The following AGAP2 variants were observed in gnomAD, a reference collection of about 807,000 sequenced individuals.
AGAP2 encodes the protein arf-GAP with GTPase, ANK repeat and PH domain-containing protein 2.
In AGAP2, 32 loss-of-function variants were observed where a neutral mutation model predicts 110.9. The observed-to-expected ratio is 0.29, with a 90% CI of 0.22 to 0.39. The LOEUF (loss-of-function observed/expected upper bound fraction) is 0.39. Among genes scored for constraint, AGAP2 ranks in the 10% least tolerant of loss-of-function variants. The pLI is 1.00. For missense variants in AGAP2, 1,285 were observed against 1,638.5 expected (o/e 0.78, Z 3.72); for synonymous variants, 702 against 713.0 (o/e 0.98, Z 0.25).
rs1485543196 is a variant in AGAP2 at position 57,737,050 on chromosome 12, C to T, written c.1168+29G>A. The stretch of plus-strand genomic sequence containing the variant: ...CTGAGCATTCCAGGTACCCTTCCCT[C>T]CCTGTTCTCAAGCCCTGACTCAACT... On this transcript the variant is annotated intron_variant, in intron 1 of 18. Transcript: ENST00000547588. This position sits in a 1 kb window ranked among gnomAD's most constrained non-coding sequence, Gnocchi z 5.9. 1.4e-6 allele frequency: 2 copies of T among 1,477,108 alleles called. No homozygotes were observed. The highest frequency in any genetic ancestry group is 1.8e-6 in the Non-Finnish European group (2 of 1,113,448). The allele number at this position is 1,477,108 out of a possible 1,614,324, so 91.5% of individuals were successfully genotyped here.
rs776392882 is a variant in AGAP2, at chr12:57,726,989, C to A, written c.3321G>T (p.Thr1107=). 3.1e-6 allele frequency: 5 copies of A among 1,593,566 alleles called. No individual in the cohort carries two copies. The change falls in exon 18 of 19, where the codon ACG becomes ACT. Residue 1107 remains threonine (T), a synonymous_variant. Transcript: ENST00000547588. This position sits in a 1 kb window ranked among gnomAD's most constrained non-coding sequence, Gnocchi z 5.7. ...LAAELAHVVI[T]QLLLWYGADV... is the part of the protein sequence containing the mutation. The stretch of plus-strand genomic sequence containing the variant: ...GCTCACGTACCCACAGCAGCAGTTG[C>A]GTGATGACGACGTGGGCGAGCTCGG...
At chr12:57,735,470 A>T (rs766533782) in intron 1 of AGAP2, 43 bp from the exon 2 acceptor site, 1 of 1,590,180 alleles carries the variant, frequency 6.3e-7, no homozygotes, top group Non-Finnish European at 8.6e-7. Flanking sequence ...CTCCTGGCTC[A>T]GAAGGACCCC....
At chr12:57,731,328 C>T in intron 10 of AGAP2, 38 bp downstream of exon 10, 1 of 1,548,752 alleles carries the variant, frequency 6.5e-7, no homozygotes, top group Non-Finnish European at 8.9e-7. Context: ...TGAGGGAAAT[C>T]CAAAGCTGGC....
chr12:57,734,760 A>G (rs1954949204), intron 2 of AGAP2, 81 bp from the exon 3 acceptor site: 1 of 1,296,460 alleles, frequency 7.7e-7, no homozygotes, highest in Non-Finnish European at 1.1e-6. Flanking sequence ...CAGAAAACCC[A>G]GAGAGATAAG....
chr12:57,727,015 C>T lies in AGAP2; in HGVS notation c.3295G>A (p.Ala1099Thr). 1 of 1,607,134 alleles carries T rather than the reference C, an allele frequency of 6.2e-7. No homozygotes were observed. Among genetic ancestry groups the T allele is most frequent in the Non-Finnish European group, 8.5e-7 (1 of 1,177,296 alleles). ...GTGATGACGACGTGGGCGAGCTCGG[C>T]CGCCAGGTGGAGTGGGGAGCGCAGC... ...PQLRSPLHLA[A>T]ELAHVVITQL... is the part of the protein sequence containing the mutation. The change falls in exon 18 of 19, where the codon GCC becomes ACC. Residue 1099 changes from alanine (A) to threonine (T), a missense_variant. Ala to Thr is a moderately conservative substitution (Grantham distance 58, BLOSUM62 0). This residue lies in a region of AGAP2 where 201 missense variants were observed against 276.1 expected (regional missense o/e 0.73). Coordinates refer to ENST00000547588, the MANE Select transcript of AGAP2 (RefSeq NM_001122772.3).
upstream of AGAP2, chr12:57,741,960 C>T (rs767507033): frequency 7.4e-6 from 12 of 1,614,120 alleles, no homozygotes; most frequent in African/African-American, 1.3e-5. Context: ...AGTTCGGGGT[C>T]GTCCACCCTC....
Position 57,732,229 on chromosome 12 carries a change from T to A in AGAP2, c.1794+174A>T, listed in dbSNP as rs542598986. On this transcript the variant is annotated intron_variant, in intron 7 of 18. Transcript: ENST00000547588. Reference sequence around the variant, plus strand: ...AGTTGCTTAAGGACACTGCAAATGATGTCTCAAATCTGGTTGATTTCCAGT... The same window carrying A: ...AGTTGCTTAAGGACACTGCAAATGAAGTCTCAAATCTGGTTGATTTCCAGT... Among the ~76,000 whole-genome samples, 5 of 152,356 alleles carry A rather than the reference T, an allele frequency of 3.3e-5. No homozygotes were observed. In the East Asian group the frequency reaches 5.8e-4, roughly 18 times the overall value.
At chr12:57,734,266 C>T (rs933009858) in intron 4 of AGAP2, 53 bp downstream of exon 4, 3 of 1,613,652 alleles carry the variant, frequency 1.9e-6, no homozygotes, top group Non-Finnish European at 2.5e-6. Flanking sequence ...GAGCCCTCTC[C>T]TTTGGCCAGT....
At position 57,738,139 on chromosome 12, in the gene AGAP2, C is replaced by T; in HGVS notation, c.108G>A (p.Ala36=). ...SVPPPPPSPS[A]AAAGAAGARG... is the part of the protein sequence containing the mutation. ...TGGCACCGGCGGCGCCGGCCGCGGC[C>T]GCAGACGGAGAAGGCGGCGGCGGAG... The change falls in exon 1 of 19, where the codon GCG becomes GCA. Residue 36 remains alanine, a synonymous_variant. Transcript: ENST00000547588. This position sits in a 1 kb window ranked among gnomAD's most constrained non-coding sequence, Gnocchi z 6.7. 6.6e-7 allele frequency: 1 copy of T among 1,522,188 alleles called. No homozygotes were observed. Among genetic ancestry groups the T allele is most frequent in the Non-Finnish European group, 8.8e-7 (1 of 1,140,204 alleles). 94.3% of individuals were successfully genotyped at this position (1,522,188 alleles called of 1,614,324 possible). A position where few individuals can be genotyped will look rare whatever the true frequency, so the allele number is the denominator to read the frequency against.
Position 57,737,268 on chromosome 12 carries a change from C to G in AGAP2, c.979G>C (p.Gly327Arg). The G allele has an allele frequency of 6.2e-7, 1 of 1,613,284 alleles. No homozygotes were observed. Among genetic ancestry groups the G allele is most frequent in the African/African-American group, 1.3e-5 (1 of 75,042 alleles). The change falls in exon 1 of 19, where the codon GGG (glycine) becomes CGG (arginine). Residue 327 changes from glycine to arginine, a missense_variant. By Grantham distance (125) the Gly-to-Arg change is moderately radical. Around this residue, in one of 7 missense-constraint regions of AGAP2, gnomAD observed 844 missense variants for 941.2 expected, o/e 0.90. Coordinates refer to ENST00000547588, the MANE Select transcript of AGAP2 (RefSeq NM_001122772.3). The surrounding 1 kb of genome is among the most constrained non-coding windows in gnomAD (Gnocchi z 5.9). ...CCCCCCTCCCGGCCCCGTTTCAGCC[C>G]CGGAGCTGGAGGCTCCAGAGTGATT... ...PPITLEPPAP[G>R]LKRGREGGRA...
rs567669511 is a variant in AGAP2 at position 57,733,373 on chromosome 12, C to A, written c.1550-394G>T. ...GTGAACTAGGAAAAGGTTGGGTGCCCATGGGTCATGGCTGGACTGCCCACT... is the reference window on the plus strand; with the variant it reads ...GTGAACTAGGAAAAGGTTGGGTGCCAATGGGTCATGGCTGGACTGCCCACT... On this transcript the variant is annotated intron_variant, in intron 5 of 18. Transcript: ENST00000547588. 2.6e-5 allele frequency among the ~76,000 whole-genome samples: 4 copies of A among 152,192 alleles called. 1 individual carries two copies. In the South Asian group the frequency reaches 8.3e-4, roughly 32 times the overall value.
chr12:57,726,998 G>A lies in AGAP2; in HGVS notation c.3312C>T (p.Val1104=), dbSNP rs1215279325. ...CCCACAGCAGCAGTTGCGTGATGAC[G>A]ACGTGGGCGAGCTCGGCCGCCAGGT... ...PLHLAAELAH[V]VITQLLLWYG... Residue 1104 remains valine (V), a synonymous_variant, in exon 18 of 19, where the codon GTC becomes GTT. Coordinates refer to ENST00000547588, the MANE Select transcript of AGAP2 (RefSeq NM_001122772.3). This position sits in a 1 kb window ranked among gnomAD's most constrained non-coding sequence, Gnocchi z 5.7. The A allele has an allele frequency of 6.2e-7, 1 of 1,602,046 alleles. No individual in the cohort carries two copies. The highest frequency in any genetic ancestry group is 1.1e-5 in the South Asian group (1 of 90,382).
Position 57,734,118 on chromosome 12 carries a change from C to T in AGAP2, c.1457G>A (p.Ser486Asn). ...ATGGAGACGGCTCACAGCCTGGAAA[C>T]TGTTCTCATCCTCCAGGCTGAAGAC... The part of the protein sequence containing the change: ...IFVFSLEDEN[S>N]FQAVSRLHGQ... The change falls in exon 5 of 19, where the codon AGT (serine) becomes AAT (asparagine). Residue 486 changes from serine (S) to asparagine (N), a missense_variant. By Grantham distance (46) the Ser-to-Asn change is conservative. Around this residue, in one of 7 missense-constraint regions of AGAP2, gnomAD observed 844 missense variants for 941.2 expected, o/e 0.90. Coordinates refer to ENST00000547588, the MANE Select transcript of AGAP2 (RefSeq NM_001122772.3). 6.2e-7 allele frequency: 1 copy of T among 1,613,708 alleles called. No individual in the cohort carries two copies. The highest frequency in any genetic ancestry group is 8.5e-7 in the Non-Finnish European group (1 of 1,179,790).
In AGAP2 at chr12:57,737,038, G is replaced by A. The variant is rs1414454201; in HGVS notation, c.1168+41C>T. ...CTCCACCCCAAGCTGAGCATTCCAG[G>A]TACCCTTCCCTCCCTGTTCTCAAGC... On this transcript the variant is annotated intron_variant, in intron 1 of 18. Coordinates refer to ENST00000547588, the MANE Select transcript of AGAP2 (RefSeq NM_001122772.3). This position sits in a 1 kb window ranked among gnomAD's most constrained non-coding sequence, Gnocchi z 5.9. The A allele has an allele frequency of 6.8e-7, 1 of 1,463,430 alleles. No homozygotes were observed. The highest frequency in any genetic ancestry group is 9.0e-7 in the Non-Finnish European group (1 of 1,106,416). The allele number at this position is 1,463,430 out of a possible 1,614,324, so 90.7% of individuals were successfully genotyped here. A position where few individuals can be genotyped will look rare whatever the true frequency, so the allele number is the denominator to read the frequency against.
upstream of AGAP2, among the ~76,000 whole-genome samples, chr12:57,739,534 G>C (rs916316340): frequency 1.3e-5 from 2 of 152,162 alleles, no homozygotes; most frequent in Non-Finnish European, 2.9e-5. Flanking sequence ...AGGCCACAGG[G>C]TAAGTCAAAG....
Position 57,725,749 on chromosome 12 carries a change from A to G in AGAP2, c.*803T>C, listed in dbSNP as rs1283118486. On this transcript the variant is annotated 3_prime_UTR_variant, in exon 19 of 19. Transcript: ENST00000547588. The stretch of plus-strand genomic sequence containing the variant: ...TCCCCTACCCCAAAACGCCCTCCCC[A>G]CGCCCCTGCCCGCCCCCATCCCCAT... 3.4e-5 allele frequency: 1 copy of G among 29,654 alleles called. No individual in the cohort carries two copies. The highest frequency in any genetic ancestry group is 6.5e-5 in the Non-Finnish European group (1 of 15,502). The allele number at this position is 29,654 out of a possible 1,614,324, so 1.8% of individuals were successfully genotyped here. A position where few individuals can be genotyped will look rare whatever the true frequency, so the allele number is the denominator to read the frequency against.
chr12:57,728,401 T>C (rs1490166182), intron 13 of AGAP2, 24 bp from the exon 14 acceptor site: 1 of 1,612,112 alleles, frequency 6.2e-7, no homozygotes, highest in South Asian at 1.1e-5. Flanking sequence ...GCGAAGGAGA[T>C]AGAGATAGAA....
chr12:57,732,443 G>A lies in AGAP2; in HGVS notation c.1754C>T (p.Ser585Phe). 3 of 1,603,474 alleles carry A rather than the reference G, an allele frequency of 1.9e-6. No individual in the cohort carries two copies. The highest frequency in any genetic ancestry group is 2.6e-6 in the Non-Finnish European group (3 of 1,174,908). ...AGTGGATGCAGCTGAGTGGCTTGGG[G>A]AGCTGGGCAGGGACTTGCAGGCAGC... ...LLAACKSLPS[S>F]PSHSAASTPV... Residue 585 changes from serine (S) to phenylalanine (F), a missense_variant, in exon 7 of 19, where the codon TCC becomes TTC. Physicochemically the swap from Ser to Phe is radical, Grantham distance 155. Transcript: ENST00000547588.
rs1171684602 is a variant in AGAP2 at position 57,734,020 on chromosome 12, C to T, written c.1549+6G>A. 2 of 1,574,160 alleles carry T rather than the reference C, an allele frequency of 1.3e-6. No individual in the cohort carries two copies. The highest frequency in any genetic ancestry group is 1.4e-5 in the African/African-American group (1 of 73,480). On this transcript the variant is annotated splice_donor_region_variant and intron_variant, in intron 5 of 18. Coordinates refer to ENST00000547588, the MANE Select transcript of AGAP2 (RefSeq NM_001122772.3). ...TGAAAGCAGTGCTTTCCTAACCCCTCCTTACCTTGTGTCCCCACCAGTGCC... is the reference window on the plus strand; with the variant it reads ...TGAAAGCAGTGCTTTCCTAACCCCTTCTTACCTTGTGTCCCCACCAGTGCC...
Sources: gnomAD v4.1 joint callset for allele counts (sites outside exome capture counted in the v4.1 genomes callset) on GRCh38, gnomAD v4.1.1 for gene constraint, gnomAD v4.1.1 regional missense constraint, Gnocchi (gnomAD v3.1) non-coding constraint, MANE v1.5 for transcripts, NCBI Gene and HGNC (gene_info 2026-07-23, HGNC 2026-07-21) for gene names.